Variants in EPHA6 observed in about 807,000 individuals in gnomAD.
EPHA6 encodes the protein ephrin type-A receptor 6.
In EPHA6, 50 loss-of-function variants were observed where a neutral mutation model predicts 112.0. The observed-to-expected ratio is 0.45, with a 90% CI of 0.36 to 0.56. The LOEUF is 0.56. EPHA6 is among the 20% of genes least tolerant of loss of function. EPHA6 has a pLI of 0.00. For missense variants in EPHA6, 1,280 were observed against 1,417.4 expected (o/e 0.90, Z 1.56); for synonymous variants, 529 against 490.7 (o/e 1.08, Z -1.03).
At chr3:97,027,766 T>TA (rs1553690737) in intron 3 of EPHA6, among the ~76,000 whole-genome samples, 3 of 152,192 alleles carry the variant, frequency 2.0e-5, no homozygotes, top group Non-Finnish European at 4.4e-5. Context: ...TACTGCCTTT[T>TA]AAAAAAATGT....
intron 11 of EPHA6, among the ~76,000 whole-genome samples, chr3:97,548,497 T>C (rs761623838): frequency 6.6e-6 from 1 of 152,208 alleles, no homozygotes; most frequent in Non-Finnish European, 1.5e-5. Context: ...GCACTAATTT[T>C]ATCATCCATC....
At chr3:96,819,780 T>C (rs974240104) in intron 1 of EPHA6, among the ~76,000 whole-genome samples, 3 of 152,184 alleles carry the variant, frequency 2.0e-5, no homozygotes, top group African/African-American at 7.2e-5. Context: ...ATTCTGTTCT[T>C]GCATTATTTT....
rs186228736 is a variant in EPHA6, at chr3:96,872,264, G to A, written c.450+5375G>A. On this transcript the variant is annotated intron_variant, in intron 2 of 17. Transcript: ENST00000389672. ...TGTTTCTTGAGACCATTCCTTTCAG[G>A]GGCTTGTCCCTGTTGAAGCACATGT... Among the ~76,000 whole-genome samples the A allele has an allele frequency of 2.8e-3, 424 of 152,052 alleles. 1 individual carries two copies. Among genetic ancestry groups the A allele is most frequent in the Non-Finnish European group, 5.1e-3 (347 of 67,970 alleles).
chr3:97,551,736 A>G (rs1353322657), intron 11 of EPHA6, among the ~76,000 whole-genome samples: 1 of 152,156 alleles, frequency 6.6e-6, no homozygotes, highest in Non-Finnish European at 1.5e-5. Flanking sequence ...GATAGTACAC[A>G]AACATGTCTT....
At chr3:97,624,578 G>A (rs533798558) in intron 13 of EPHA6, among the ~76,000 whole-genome samples, 2 of 151,562 alleles carry the variant, frequency 1.3e-5, no homozygotes, top group East Asian at 1.9e-4. Context: ...GAATCAAAAT[G>A]TCTCTCTCCT....
At position 97,501,979 on chromosome 3, in the gene EPHA6, G is replaced by A. The variant is rs1219351349; in HGVS notation, c.2200+17920G>A. Among the ~76,000 whole-genome samples the A allele has an allele frequency of 6.6e-5, 10 of 151,940 alleles. No individual in the cohort carries two copies. In the East Asian group the frequency reaches 1.9e-3, roughly 29 times the overall value. On this transcript the variant is annotated intron_variant, in intron 10 of 17. Transcript: ENST00000389672. ...TATTTAATGGAGACTTACAAGTAGA[G>A]GCCATGTCTGTGCCTTCCATGGAGA...
chr3:97,244,911 C>T (rs748435895), intron 5 of EPHA6, among the ~76,000 whole-genome samples: 5 of 151,906 alleles, frequency 3.3e-5, no homozygotes, highest in Non-Finnish European at 7.4e-5. Context: ...GCAAACACTC[C>T]TATGATTTTT....
At chr3:96,858,521 AT>A (rs1224633000) in intron 1 of EPHA6, among the ~76,000 whole-genome samples, 1 of 152,152 alleles carries the variant, frequency 6.6e-6, no homozygotes, top group Non-Finnish European at 1.5e-5. Flanking sequence ...GTGTCGTGAT[AT>A]TAGGTATGCC....
intron 14 of EPHA6, among the ~76,000 whole-genome samples, chr3:97,704,855 A>G (rs2033595712): frequency 6.6e-6 from 1 of 152,170 alleles, no homozygotes; most frequent in Admixed American, 6.5e-5. Flanking sequence ...TATTTAATGT[A>G]TAAAAATGTG....
chr3:97,654,137 A>G (rs2094123522), intron 14 of EPHA6, among the ~76,000 whole-genome samples: 2 of 151,538 alleles, frequency 1.3e-5, no homozygotes, highest in African/African-American at 4.9e-5. Flanking sequence ...CTCACCAGAA[A>G]TTTTAAAAAA....
At chr3:97,226,977 T>C (rs1281334656) in intron 4 of EPHA6, among the ~76,000 whole-genome samples, 1 of 152,194 alleles carries the variant, frequency 6.6e-6, no homozygotes, top group Non-Finnish European at 1.5e-5. Flanking sequence ...CAGTAGAATG[T>C]TAAATCTAAA....
At chr3:97,605,785 G>T (rs1825690) in intron 12 of EPHA6, among the ~76,000 whole-genome samples, 8 of 151,434 alleles carry the variant, frequency 5.3e-5, no homozygotes, top group African/African-American at 1.7e-4. Flanking sequence ...GAAAAATGAG[G>T]TTGGTAATTT....
chr3:97,213,984 A>G (rs1038807057), intron 3 of EPHA6, among the ~76,000 whole-genome samples: 6 of 146,908 alleles, frequency 4.1e-5, no homozygotes, highest in African/African-American at 1.6e-4. Flanking sequence ...ATCTAATCAT[A>G]ATCTCATGTG....
At chr3:97,177,110 T>G (rs553800886) in intron 3 of EPHA6, among the ~76,000 whole-genome samples, 2 of 152,002 alleles carry the variant, frequency 1.3e-5, no homozygotes, top group Non-Finnish European at 2.9e-5. Context: ...TTTTTCAGTT[T>G]TCTTATTAAT....
At position 97,448,628 on chromosome 3, in the gene EPHA6, G is replaced by A; in HGVS notation, c.1792G>A (p.Gly598Ser). The change falls in exon 7 of 18, where the codon GGT becomes AGT. Residue 598 changes from glycine to serine, a missense_variant. This residue lies in a region of EPHA6 where 878 missense variants were observed against 999.7 expected (regional missense o/e 0.88). Coordinates refer to ENST00000389672, the MANE Select transcript of EPHA6 (RefSeq NM_001080448.3). ...RSKAPSVIIT[G>S]LKPATKYVFH... ...CAAAGCCCCCAGTGTCATCATCACA[G>A]GTCTTAAGCCAGCCACCAAATATGT... 3 of 1,613,524 alleles carry A rather than the reference G, an allele frequency of 1.9e-6. No individual in the cohort carries two copies. Among genetic ancestry groups the A allele is most frequent in the Non-Finnish European group, 2.5e-6 (3 of 1,179,604 alleles).
chr3:96,870,822 T>C (rs942230596), intron 2 of EPHA6, among the ~76,000 whole-genome samples: 4 of 152,086 alleles, frequency 2.6e-5, no homozygotes, highest in African/African-American at 4.8e-5. Context: ...AAAGGTTGGA[T>C]GTACTATGAT....
chr3:96,972,555 T>A (rs1184232383), intron 2 of EPHA6, among the ~76,000 whole-genome samples: 1 of 152,120 alleles, frequency 6.6e-6, no homozygotes, highest in Non-Finnish European at 1.5e-5. Flanking sequence ...TGTTACCTAC[T>A]GTCAGCATAT....
intron 15 of EPHA6, among the ~76,000 whole-genome samples, chr3:97,720,803 T>G (rs2107795843): frequency 6.6e-6 from 1 of 152,340 alleles, no homozygotes; most frequent in East Asian, 1.9e-4. Flanking sequence ...TAGATATCAC[T>G]TAGAGGGAAA....
intron 3 of EPHA6, among the ~76,000 whole-genome samples, chr3:97,013,902 T>A (rs1290386159): frequency 6.6e-6 from 1 of 152,152 alleles, no homozygotes; most frequent in East Asian, 1.9e-4. Context: ...CAGTAATGCC[T>A]CCTGCAAACT....
Sources: gnomAD v4.1 joint callset for allele counts (sites outside exome capture counted in the v4.1 genomes callset) on GRCh38, gnomAD v4.1.1 for gene constraint, gnomAD v4.1.1 regional missense constraint, MANE v1.5 for transcripts, NCBI Gene and HGNC (gene_info 2026-07-23, HGNC 2026-07-21) for gene names.